The following BMPR1B variants were observed in gnomAD, a reference collection of about 807,000 sequenced individuals.
The protein encoded by BMPR1B is bone morphogenetic protein receptor type 1B, also known as bone morphogenetic protein receptor type-1B.
A neutral mutation model predicts 59.1 loss-of-function variants in BMPR1B; 12 were observed. The observed-to-expected ratio is 0.20, with a 90% CI of 0.13 to 0.33. The LOEUF (loss-of-function observed/expected upper bound fraction) is 0.33, where lower values mean the gene tolerates loss of function less well. BMPR1B is among the 10% of genes least tolerant of loss of function. The probability of loss-of-function intolerance (pLI) is 1.00; values close to 1 mark genes in which losing one functional copy is unlikely to be tolerated. For synonymous variants in BMPR1B, 237 were observed against 207.3 expected (o/e 1.14, Z -1.23); for missense variants, 550 against 610.9 (o/e 0.90, Z 1.05).
chr4:95,015,200 A>G (rs1448496089), intron 3 of BMPR1B, among the ~76,000 whole-genome samples: 4 of 152,110 alleles, frequency 2.6e-5, no homozygotes, highest in Admixed American at 6.5e-5. Context: ...CTTCACTGAC[A>G]CACACGAAAG....
At chr4:95,041,713 C>A (rs948777984) in intron 3 of BMPR1B, among the ~76,000 whole-genome samples, 1 of 151,550 alleles carries the variant, frequency 6.6e-6, no homozygotes, top group African/African-American at 2.4e-5. Context: ...TTAACCAGTT[C>A]TCAGGGCTTT....
intron 2 of BMPR1B, among the ~76,000 whole-genome samples, chr4:94,911,258 A>G (rs1407522908): frequency 1.3e-5 from 2 of 152,158 alleles, no homozygotes; most frequent in Non-Finnish European, 2.9e-5. Context: ...TGATGTATAA[A>G]CCATTAAATT....
intron 2 of BMPR1B, among the ~76,000 whole-genome samples, chr4:94,949,368 C>G (rs1729843589): frequency 1.2e-5 from 1 of 85,670 alleles, no homozygotes; most frequent in Admixed American, 1.0e-4. Flanking sequence ...GGACTGCGGA[C>G]TGCAGTGGCG....
chr4:95,141,592 A>C (rs1734233696), intron 10 of BMPR1B, among the ~76,000 whole-genome samples: 1 of 152,220 alleles, frequency 6.6e-6, no homozygotes, highest in African/African-American at 2.4e-5. Context: ...CAGAAATTTA[A>C]TCCAGGTGAT....
intron 2 of BMPR1B, among the ~76,000 whole-genome samples, chr4:94,896,423 A>G (rs1429917228): frequency 6.6e-6 from 1 of 152,016 alleles, no homozygotes; most frequent in Non-Finnish European, 1.5e-5. Context: ...AGTTTGCTGA[A>G]TTAAATCTGA....
chr4:95,041,029 T>G (rs570957220), intron 3 of BMPR1B, among the ~76,000 whole-genome samples: 1 of 152,296 alleles, frequency 6.6e-6, no homozygotes, highest in Non-Finnish European at 1.5e-5. Flanking sequence ...ATTAGAAAGG[T>G]CTTTGAGAAA....
At chr4:94,768,183 A>G (rs1722037960) in intron 1 of BMPR1B, among the ~76,000 whole-genome samples, 2 of 152,144 alleles carry the variant, frequency 1.3e-5, no homozygotes, top group South Asian at 4.1e-4. Context: ...CCATAAAGAC[A>G]TTGAAAATTG....
intron 1 of BMPR1B, among the ~76,000 whole-genome samples, chr4:94,809,603 TC>T (rs892604193): frequency 2.0e-5 from 3 of 152,238 alleles, no homozygotes; most frequent in African/African-American, 7.2e-5. Flanking sequence ...AGTGCTTTTT[TC>T]CTATTCACTT....
At chr4:94,981,106 A>C (rs139200129) in intron 2 of BMPR1B, among the ~76,000 whole-genome samples, 1,735 of 152,342 alleles carry the variant, frequency 0.011, 14 homozygotes, top group Non-Finnish European at 0.018. Flanking sequence ...TACTACCTTG[A>C]AATTCCCTTA....
intron 1 of BMPR1B, among the ~76,000 whole-genome samples, chr4:94,862,941 T>C (rs1672238860): frequency 8.3e-6 from 1 of 120,760 alleles, no homozygotes; most frequent in South Asian, 2.6e-4. Context: ...CGAGACTCCG[T>C]CTCAAAAAAA....
chr4:94,774,935 G>T (rs1354426283), intron 1 of BMPR1B, among the ~76,000 whole-genome samples: 1 of 152,054 alleles, frequency 6.6e-6, no homozygotes, highest in Non-Finnish European at 1.5e-5. Flanking sequence ...CATTTTTAAA[G>T]TACATGAGGA....
intron 2 of BMPR1B, among the ~76,000 whole-genome samples, chr4:94,903,315 G>A (rs1198824108): frequency 6.6e-6 from 1 of 151,778 alleles, no homozygotes; most frequent in Non-Finnish European, 1.5e-5. Flanking sequence ...TTTAGTATTC[G>A]ATCAGACAGA....
chr4:95,116,421 G>GCGCGCGCGCACACACACACACACA, intron 6 of BMPR1B, among the ~76,000 whole-genome samples: 54 of 123,246 alleles, frequency 4.4e-4, no homozygotes, highest in African/African-American at 1.5e-3. Flanking sequence ...TTCAGCGCGC[G>GCGCGCGCGCACACACACACACACA]CACACACACA....
At position 95,033,090 on chromosome 4, in the gene BMPR1B, C is replaced by A. The variant is rs543511829; in HGVS notation, c.-18+36956C>A. 6.1e-4 allele frequency among the ~76,000 whole-genome samples: 93 copies of A among 152,206 alleles called. 3 individuals carry two copies. The highest frequency in any genetic ancestry group is 2.2e-3 in the African/African-American group (90 of 41,532). ...TTAGTGACTTTCGTGAGCATATTGG[C>A]AGTTCTTATATCTTCCTAAGAGAAA... is the stretch of plus-strand genomic sequence containing the variant. On this transcript the variant is annotated intron_variant, in intron 3 of 12. Coordinates refer to ENST00000515059, the MANE Select transcript of BMPR1B (RefSeq NM_001203.3).
chr4:94,848,198 A>AG (rs61633241), intron 1 of BMPR1B, among the ~76,000 whole-genome samples: 93,204 of 151,960 alleles, frequency 0.61, 29,589 homozygotes, highest in African/African-American at 0.78. Flanking sequence ...TTAGAAGAAA[A>AG]GGAAGCTAGA....
At chr4:94,894,496 G>A (rs957796247) in intron 2 of BMPR1B, among the ~76,000 whole-genome samples, 1 of 151,854 alleles carries the variant, frequency 6.6e-6, no homozygotes, top group Non-Finnish European at 1.5e-5. Flanking sequence ...TTACATAGGA[G>A]TTTCCATATA....
intron 10 of BMPR1B, 104 bp downstream of exon 10, chr4:95,131,616 T>A: frequency 1.5e-6 from 2 of 1,342,790 alleles, no homozygotes; most frequent in Non-Finnish European, 2.1e-6. Flanking sequence ...GGAATATCAT[T>A]AATTTTGACA....
intron 2 of BMPR1B, among the ~76,000 whole-genome samples, chr4:94,970,883 C>T (rs1314198015): frequency 2.0e-5 from 3 of 151,980 alleles, no homozygotes; most frequent in Non-Finnish European, 2.9e-5. Flanking sequence ...TTTTTTATAG[C>T]CCTTTAAGTT....
chr4:95,084,970 T>A (rs17022973), intron 3 of BMPR1B, among the ~76,000 whole-genome samples: 6,706 of 152,180 alleles, frequency 0.044, 501 homozygotes, highest in African/African-American at 0.15. Context: ...GTTACACGTG[T>A]GACTTGGCCT....
Sources: gnomAD v4.1 joint callset for allele counts (sites outside exome capture counted in the v4.1 genomes callset) on GRCh38, gnomAD v4.1.1 for gene constraint, MANE v1.5 for transcripts, NCBI Gene and HGNC (gene_info 2026-07-23, HGNC 2026-07-21) for gene names.